The following MEPCE variants were observed in gnomAD, a reference collection of about 807,000 sequenced individuals.
MEPCE encodes the protein 7SK snRNA methylphosphate capping enzyme.
Under a neutral mutation model 52.3 loss-of-function variants are expected in MEPCE, and 9 were observed. That is an observed-to-expected ratio of 0.17 (90% CI 0.10 to 0.30). MEPCE has a LOEUF of 0.30. Among genes scored for constraint, MEPCE ranks in the 10% least tolerant of loss-of-function variants. The pLI, the probability that MEPCE is intolerant of heterozygous loss-of-function variation, is 1.00. For missense variants in MEPCE, 826 were observed against 933.0 expected (o/e 0.89, Z 1.49); for synonymous variants, 477 against 401.6 (o/e 1.19, Z -2.25).
Position 100,430,711 on chromosome 7 carries a change from C to T in MEPCE, c.693C>T (p.Ile231=), listed in dbSNP as rs780159536. 3.1e-6 allele frequency: 5 copies of T among 1,613,784 alleles called. No homozygotes were observed. Among genetic ancestry groups the T allele is most frequent in the East Asian group, 2.2e-5 (1 of 44,892 alleles). Residue 231 remains isoleucine, a synonymous_variant, in exon 1 of 4, where the codon ATC becomes ATT. Coordinates refer to ENST00000310512, the MANE Select transcript of MEPCE (RefSeq NM_019606.6). ...GGCGAGATCCGGTGGAGATCCTCAT[C>T]CCCAAAGATATTACTGACCCGCTCA... ...AKGRDPVEIL[I]PKDITDPLSL...
At chr7:100,431,894 A>G (rs913151214) in intron 1 of MEPCE, among the ~76,000 whole-genome samples, 21 of 152,262 alleles carry the variant, frequency 1.4e-4, no homozygotes, top group African/African-American at 4.3e-4. Context: ...GTCCTTTGTC[A>G]TGACTGCAAG....
Position 100,430,516 on chromosome 7 carries a change from C to T in MEPCE, c.498C>T (p.Ala166=). ...GCGGGGGAGGCTTCAAACATCCGGC[C>T]TTCAAGAGGCGCAGGCGGGTGAATT... ...GGGGGGFKHP[A]FKRRRRVNSD... The change falls in exon 1 of 4, where the codon GCC becomes GCT. Residue 166 remains alanine, a synonymous_variant. Transcript: ENST00000310512. 8 of 1,583,476 alleles carry T rather than the reference C, an allele frequency of 5.1e-6. No individual in the cohort carries two copies. Among genetic ancestry groups the T allele is most frequent in the African/African-American group, 1.3e-5 (1 of 74,654 alleles).
rs760376288 is a variant in MEPCE at position 100,430,410 on chromosome 7, G to A, written c.392G>A (p.Arg131Gln). The change falls in exon 1 of 4, where the codon CGA (arginine) becomes CAA (glutamine). Residue 131 changes from arginine (R) to glutamine (Q), a missense_variant. By Grantham distance (43) the Arg-to-Gln change is conservative (BLOSUM62 1). Transcript: ENST00000310512. ...GTELGPPAPPRPRNGYQPHRP... is the reference protein window; with the variant it reads ...GTELGPPAPPQPRNGYQPHRP... ...GAGCTGGGTCCCCCTGCTCCTCCTC[G>A]ACCCCGCAATGGCTATCAGCCCCAC... is the stretch of plus-strand genomic sequence containing the variant. 4 of 1,539,946 alleles carry A rather than the reference G, an allele frequency of 2.6e-6. No individual in the cohort carries two copies. Among genetic ancestry groups the A allele is most frequent in the Admixed American group, 3.8e-5 (2 of 52,890 alleles).
At position 100,431,654 on chromosome 7, in the gene MEPCE, A is replaced by G; in HGVS notation, c.1636A>G (p.Thr546Ala). ...CCAAGTGCCCTTGGATGGAGCGGAC[A>G]CATCAGTCTTCCCCAACAATGTTGT... ...APQVPLDGAD[T>A]SVFPNNVVFV... Residue 546 changes from threonine to alanine, a missense_variant, in exon 1 of 4, where the codon ACA becomes GCA. Coordinates refer to ENST00000310512, the MANE Select transcript of MEPCE (RefSeq NM_019606.6). 1 of 1,601,508 alleles carries G rather than the reference A, an allele frequency of 6.2e-7. No individual in the cohort carries two copies. Among genetic ancestry groups the G allele is most frequent in the Non-Finnish European group, 8.5e-7 (1 of 1,178,466 alleles).
At chr7:100,431,780 TCAAAAGAGGGGTCTGGGTTGGCAAGTGA>T in intron 1 of MEPCE, 91 bp downstream of exon 1, 1 of 1,248,764 alleles carries the variant, frequency 8.0e-7, no homozygotes, top group South Asian at 1.5e-5. Context: ...ACCCAGATCC[TCAAAAGAGGGGTCTGGGTTGGCAAGTGA>T]GAGCCTCTGC....
In MEPCE at chr7:100,431,065, C is replaced by T. The variant is rs1275117453; in HGVS notation, c.1047C>T (p.Ala349=). ...GCTCCCTATCAGCCCCTCCAGCTGC[C>T]TCAGTTATCTCTGCACCCCCATCTT... ...PSGSLSAPPA[A]SVISAPPSSS... Residue 349 remains alanine (A), a synonymous_variant, in exon 1 of 4, where the codon GCC becomes GCT. Transcript: ENST00000310512. 8.1e-6 allele frequency: 13 copies of T among 1,613,852 alleles called. No homozygotes were observed. Among genetic ancestry groups the T allele is most frequent in the South Asian group, 1.1e-5 (1 of 91,088 alleles).
intron 1 of MEPCE, 146 bp downstream of exon 1, chr7:100,431,835 C>CT (rs1798721061): frequency 2.6e-6 from 2 of 763,032 alleles, no homozygotes; most frequent in African/African-American, 3.5e-5. Context: ...TCTCTCCCCT[C>CT]TTATAACCTG....
At position 100,429,978 on chromosome 7, in the gene MEPCE, T is replaced by TC. The variant is rs890727543; in HGVS notation, c.-36dup. On this transcript the variant is annotated 5_prime_UTR_variant, in exon 1 of 4. Coordinates refer to ENST00000310512, the MANE Select transcript of MEPCE (RefSeq NM_019606.6). ...AGGCAGGGGGGGTTAGGCCCCCTGA[T>TC]CCCCCTCGTTACCCCGACTGGCACG... 3.2e-4 allele frequency: 387 copies of TC among 1,228,548 alleles called. 1 individual carries two copies. Among genetic ancestry groups the TC allele is most frequent in the Non-Finnish European group, 3.8e-4 (369 of 980,536 alleles). 76.1% of individuals were successfully genotyped at this position (1,228,548 alleles called of 1,614,324 possible). A position where few individuals can be genotyped will look rare whatever the true frequency, so the allele number is the denominator to read the frequency against.
At position 100,431,183 on chromosome 7, in the gene MEPCE, G is replaced by A. The variant is rs200632337; in HGVS notation, c.1165G>A (p.Gly389Arg). The A allele has an allele frequency of 1.1e-5, 18 of 1,613,722 alleles. No individual in the cohort carries two copies. Among genetic ancestry groups the A allele is most frequent in the Middle Eastern group, 3.3e-4 (2 of 6,062 alleles). Residue 389 changes from glycine (G) to arginine (R), a missense_variant, in exon 1 of 4, where the codon GGG (glycine) becomes AGG (arginine). Physicochemically the swap from Gly to Arg is moderately radical, Grantham distance 125 (BLOSUM62 -2). Around this residue, in one of 7 missense-constraint regions of MEPCE, gnomAD observed 307 missense variants for 292.1 expected, o/e 1.05. Transcript: ENST00000310512. ...GGQGSKEKGR[G>R]SWGGRHHHHH... ...CCAGGGTTCCAAGGAAAAGGGCCGA[G>A]GGAGTTGGGGAGGCCGCCACCACCA...
Position 100,431,218 on chromosome 7 carries a change from A to G in MEPCE, c.1200A>G (p.Pro400=), listed in dbSNP as rs756095554. 1.2e-6 allele frequency: 2 copies of G among 1,613,956 alleles called. No homozygotes were observed. Among genetic ancestry groups the G allele is most frequent in the South Asian group, 1.1e-5 (1 of 91,090 alleles). ...SWGGRHHHHH[P]LPAAGFKKQQ... ...GAGGCCGCCACCACCACCACCACCCACTGCCTGCAGCAGGCTTCAAAAAGC... is the reference window on the plus strand; with the variant it reads ...GAGGCCGCCACCACCACCACCACCCGCTGCCTGCAGCAGGCTTCAAAAAGC... The change falls in exon 1 of 4, where the codon CCA becomes CCG. Residue 400 remains proline (P), a synonymous_variant. Coordinates refer to ENST00000310512, the MANE Select transcript of MEPCE (RefSeq NM_019606.6).
Position 100,431,061 on chromosome 7 carries a change from C to G in MEPCE, c.1043C>G (p.Ala348Gly). The change falls in exon 1 of 4, where the codon GCT becomes GGT. Residue 348 changes from alanine to glycine, a missense_variant. Ala to Gly is a moderately conservative substitution (Grantham distance 60). This residue lies in a region of MEPCE where 307 missense variants were observed against 292.1 expected (regional missense o/e 1.05). Coordinates refer to ENST00000310512, the MANE Select transcript of MEPCE (RefSeq NM_019606.6). ...GPSGSLSAPP[A>G]ASVISAPPSS... Reference sequence around the variant, plus strand: ...TCAGGCTCCCTATCAGCCCCTCCAGCTGCCTCAGTTATCTCTGCACCCCCA... The same window carrying G: ...TCAGGCTCCCTATCAGCCCCTCCAGGTGCCTCAGTTATCTCTGCACCCCCA... The G allele has an allele frequency of 6.2e-7, 1 of 1,613,880 alleles. No individual in the cohort carries two copies.
chr7:100,430,132 C>A lies in MEPCE; in HGVS notation c.114C>A (p.Ala38=), dbSNP rs892155145. 1.6e-6 allele frequency: 2 copies of A among 1,268,424 alleles called. No individual in the cohort carries two copies. Among genetic ancestry groups the A allele is most frequent in the Non-Finnish European group, 9.9e-7 (1 of 1,007,124 alleles). The allele number at this position is 1,268,424 out of a possible 1,614,324, so 78.6% of individuals were successfully genotyped here. Reference sequence around the variant, plus strand: ...CCACGGTGCCACCGCACCAAGAGGCCGCCTCTGGGGAGCTCCGCGGCGGGA... The same window carrying A: ...CCACGGTGCCACCGCACCAAGAGGCAGCCTCTGGGGAGCTCCGCGGCGGGA... ...GGPTVPPHQE[A]ASGELRGGTE... is the part of the protein sequence containing the mutation. The change falls in exon 1 of 4, where the codon GCC becomes GCA. Residue 38 remains alanine (A), a synonymous_variant. Transcript: ENST00000310512.
Position 100,430,956 on chromosome 7 carries a change from C to A in MEPCE, c.938C>A (p.Pro313His), listed in dbSNP as rs1798665852. 2 of 1,609,178 alleles carry A rather than the reference C, an allele frequency of 1.2e-6. No individual in the cohort carries two copies. Among genetic ancestry groups the A allele is most frequent in the East Asian group, 2.2e-5 (1 of 44,806 alleles). ...CACAGGGGCCAGAACCGGGATGCCC[C>A]CCAACCCTATGAACTCAACACAGCC... ...PRHRGQNRDA[P>H]QPYELNTAIN... The change falls in exon 1 of 4, where the codon CCC (proline) becomes CAC (histidine). Residue 313 changes from proline (P) to histidine (H), a missense_variant. By Grantham distance (77) the Pro-to-His change is moderately conservative. Transcript: ENST00000310512.
In MEPCE at chr7:100,433,286, C is replaced by T. The variant is rs767541570; in HGVS notation, c.1914C>T (p.Tyr638=). ...AGGAAACGATCTACAAGAACTACTA[C>T]CGAATCCAATTGAAGCCAGAGCAGT... ...TLTETIYKNY[Y]RIQLKPEQFS... is the part of the protein sequence containing the mutation. Residue 638 remains tyrosine (Y), a synonymous_variant, in exon 3 of 4, where the codon TAC becomes TAT. Coordinates refer to ENST00000310512, the MANE Select transcript of MEPCE (RefSeq NM_019606.6). The T allele has an allele frequency of 1.9e-6, 3 of 1,614,204 alleles. No homozygotes were observed. The highest frequency in any genetic ancestry group is 2.2e-5 in the South Asian group (2 of 91,090).
chr7:100,429,833 C>G lies in MEPCE; in HGVS notation c.-186C>G. 1 of 445,886 alleles carries G rather than the reference C, an allele frequency of 2.2e-6. No individual in the cohort carries two copies. Among genetic ancestry groups the G allele is most frequent in the Non-Finnish European group, 3.7e-6 (1 of 270,590 alleles). The allele number at this position is 445,886 out of a possible 1,614,324, so 27.6% of individuals were successfully genotyped here. A position where few individuals can be genotyped will look rare whatever the true frequency, so the allele number is the denominator to read the frequency against. On this transcript the variant is annotated 5_prime_UTR_variant, in exon 1 of 4. Transcript: ENST00000310512. ...CGAGTAGTTCGGGTCTCGCGGGCCT[C>G]TTGTTTTGGTCTCGCGGGCTAGTAG...
upstream of MEPCE, chr7:100,428,816 C>T (rs567760407): frequency 3.0e-4 from 45 of 152,340 alleles, no homozygotes; most frequent in African/African-American, 1.0e-3. Flanking sequence ...ACTGACGGGC[C>T]AGTGAGCGGG....
chr7:100,430,927 G>C lies in MEPCE; in HGVS notation c.909G>C (p.Pro303=), dbSNP rs375392448. Reference sequence around the variant, plus strand: ...ACGGGGAGGGCGCCTCACAGCAGCCGCGGCACAGGGGCCAGAACCGGGATG... The same window carrying C: ...ACGGGGAGGGCGCCTCACAGCAGCCCCGGCACAGGGGCCAGAACCGGGATG... The part of the protein sequence containing the change: ...LLHGEGASQQ[P]RHRGQNRDAP... The change falls in exon 1 of 4, where the codon CCG becomes CCC. Residue 303 remains proline, a synonymous_variant. Transcript: ENST00000310512. 3 of 1,608,434 alleles carry C rather than the reference G, an allele frequency of 1.9e-6. No individual in the cohort carries two copies. The African/African-American group carries it at 4.0e-5, about 21-fold the overall frequency.
In MEPCE at chr7:100,433,080, C is replaced by A. The variant is rs1335647607; in HGVS notation, c.1833C>A (p.Gly611=). The A allele has an allele frequency of 6.2e-7, 1 of 1,614,048 alleles. No homozygotes were observed. The highest frequency in any genetic ancestry group is 1.3e-5 in the African/African-American group (1 of 75,062). ...TCTACCGGCACCTACGCCCTGGGGG[C>A]ATCCTGGTCCTAGAGCCCCAACCCT... ...RRIYRHLRPG[G]ILVLEPQPWS... Residue 611 remains glycine, a synonymous_variant, in exon 2 of 4, where the codon GGC becomes GGA. Coordinates refer to ENST00000310512, the MANE Select transcript of MEPCE (RefSeq NM_019606.6).
chr7:100,429,852 C>T lies in MEPCE; in HGVS notation c.-167C>T. The T allele has an allele frequency of 3.9e-6, 2 of 506,890 alleles. No individual in the cohort carries two copies. The highest frequency in any genetic ancestry group is 6.1e-6 in the Non-Finnish European group (2 of 326,204). 31.4% of individuals were successfully genotyped at this position (506,890 alleles called of 1,614,324 possible). On this transcript the variant is annotated 5_prime_UTR_variant, in exon 1 of 4. Transcript: ENST00000310512. Reference sequence around the variant, plus strand: ...GGGCCTCTTGTTTTGGTCTCGCGGGCTAGTAGGGCGCACTTGGCGGGGAGG... The same window carrying T: ...GGGCCTCTTGTTTTGGTCTCGCGGGTTAGTAGGGCGCACTTGGCGGGGAGG...
Sources: gnomAD v4.1 joint callset for allele counts (sites outside exome capture counted in the v4.1 genomes callset) on GRCh38, gnomAD v4.1.1 for gene constraint, gnomAD v4.1.1 regional missense constraint, MANE v1.5 for transcripts, NCBI Gene and HGNC (gene_info 2026-07-23, HGNC 2026-07-21) for gene names.